DOK5: variants seen among roughly 807,000 people sequenced by gnomAD.
DOK5 encodes the protein downstream of tyrosine kinase 5.
Under a neutral mutation model 43.3 loss-of-function variants are expected in DOK5, and 27 were observed. That is an observed-to-expected ratio of 0.62 (90% confidence interval 0.46 to 0.86). The LOEUF is 0.86. DOK5 is among the 40% of genes least tolerant of loss of function. DOK5 has a pLI of 0.00. For synonymous variants in DOK5, 146 were observed against 140.1 expected, an observed-to-expected ratio of 1.04 and a Z score of -0.30; for missense variants, 373 against 392.9, an observed-to-expected ratio of 0.95 and a Z score of 0.43.
intron 1 of DOK5, among the ~76,000 whole-genome samples, chr20:54,508,768 C>T (rs144587738): frequency 3.6e-4 from 54 of 151,702 alleles, no homozygotes; most frequent in South Asian, 2.1e-4. Flanking sequence ...TTAGTAGAGA[C>T]GGGGTTTCTC....
At chr20:54,584,435 TAC>T (rs1985736426) in intron 2 of DOK5, among the ~76,000 whole-genome samples, 1 of 151,620 alleles carries the variant, frequency 6.6e-6, no homozygotes, top group Non-Finnish European at 1.5e-5. Context: ...TTCAATCACA[TAC>T]AAAAGCTGAA....
chr20:54,619,459 A>G (rs1376524700), intron 6 of DOK5, among the ~76,000 whole-genome samples: 1 of 152,160 alleles, frequency 6.6e-6, no homozygotes, highest in Non-Finnish European at 1.5e-5. Context: ...TCCTCATTCC[A>G]CGACTGGGCT....
Position 54,475,888 on chromosome 20 carries a change from C to A in DOK5, c.-59C>A, listed in dbSNP as rs1981398700. The A allele has an allele frequency of 2.5e-6, 4 of 1,601,484 alleles. No homozygotes were observed. In the African/African-American group the frequency reaches 5.3e-5, roughly 21 times the overall value. On this transcript the variant is annotated 5_prime_UTR_variant, in exon 1 of 8. Coordinates refer to ENST00000262593, the MANE Select transcript of DOK5 (RefSeq NM_018431.5). This position sits in a 1 kb window ranked among gnomAD's most constrained non-coding sequence, Gnocchi z 4.2. ...TTGTCTTGACCCTGCCCTCCACCCT[C>A]CCCAGAGCCACTTCGGGTGCGCGCT...
In DOK5 at chr20:54,650,623, T is replaced by A; in HGVS notation, c.*144T>A. On this transcript the variant is annotated 3_prime_UTR_variant, in exon 8 of 8. Coordinates refer to ENST00000262593, the MANE Select transcript of DOK5 (RefSeq NM_018431.5). ...TAATTGTGTGGTCATTGGAAAACTC[T>A]GCAATACAATAATTTTCTTTATTTT... The A allele has an allele frequency of 1.6e-6, 1 of 629,216 alleles. No individual in the cohort carries two copies. The allele number at this position is 629,216 out of a possible 1,614,324, so 39.0% of individuals were successfully genotyped here.
intron 1 of DOK5, among the ~76,000 whole-genome samples, chr20:54,554,327 C>G (rs1454033842): frequency 6.6e-6 from 1 of 152,224 alleles, no homozygotes; most frequent in East Asian, 1.9e-4. Flanking sequence ...ACATGGCCAA[C>G]AACTTCTGTT....
intron 6 of DOK5, among the ~76,000 whole-genome samples, chr20:54,626,987 T>C (rs1412779630): frequency 1.3e-5 from 2 of 152,244 alleles, no homozygotes; most frequent in Non-Finnish European, 2.9e-5. Context: ...TTGGTGATGG[T>C]GTGGCCTGCA....
chr20:54,630,452 C>T (rs967473213), intron 6 of DOK5, among the ~76,000 whole-genome samples: 4 of 152,054 alleles, frequency 2.6e-5, no homozygotes, highest in Non-Finnish European at 4.4e-5. Flanking sequence ...ACATGTTAAA[C>T]GGGAGATGCC....
chr20:54,499,506 C>T (rs1982514877), intron 1 of DOK5, among the ~76,000 whole-genome samples: 1 of 152,158 alleles, frequency 6.6e-6, no homozygotes, highest in South Asian at 2.1e-4. Flanking sequence ...CAGGCATCAC[C>T]CACAAAGACT....
intron 1 of DOK5, among the ~76,000 whole-genome samples, chr20:54,492,157 A>G (rs1340716118): frequency 2.0e-5 from 3 of 152,078 alleles, no homozygotes; most frequent in Non-Finnish European, 4.4e-5. Flanking sequence ...AATGCAAAAA[A>G]GGATAGAATG....
At chr20:54,628,937 T>C (rs1017567141) in intron 6 of DOK5, among the ~76,000 whole-genome samples, 1 of 152,234 alleles carries the variant, frequency 6.6e-6, no homozygotes, top group Non-Finnish European at 1.5e-5. Context: ...CATTCTTTTT[T>C]AAGGGAGACC....
intron 6 of DOK5, among the ~76,000 whole-genome samples, chr20:54,611,387 C>A (rs762093210): frequency 6.6e-6 from 1 of 151,938 alleles, no homozygotes; most frequent in East Asian, 1.9e-4. Flanking sequence ...CATGGGGAGA[C>A]CCTGTCTCTA....
chr20:54,534,819 G>GTTTCTTTCTTTCTTTC (rs112769125), intron 1 of DOK5, among the ~76,000 whole-genome samples: 74 of 150,556 alleles, frequency 4.9e-4, no homozygotes, highest in African/African-American at 1.8e-3. Context: ...TTGAAAGCAT[G>GTTTCTTTCTTTCTTTC]TTTCTTTCTT....
intron 6 of DOK5, among the ~76,000 whole-genome samples, chr20:54,621,126 G>A (rs180988274): frequency 4.6e-5 from 7 of 152,282 alleles, no homozygotes; most frequent in South Asian, 4.1e-4. Context: ...CTTCACTAAC[G>A]CTATTATAAG....
At chr20:54,528,201 C>A (rs1450770643) in intron 1 of DOK5, among the ~76,000 whole-genome samples, 1 of 152,002 alleles carries the variant, frequency 6.6e-6, no homozygotes, top group Non-Finnish European at 1.5e-5. Flanking sequence ...AATGAAACTC[C>A]GTCTCAAAAC....
At chr20:54,483,471 G>A (rs889286170) in intron 1 of DOK5, among the ~76,000 whole-genome samples, 6 of 152,124 alleles carry the variant, frequency 3.9e-5, no homozygotes, top group Non-Finnish European at 7.4e-5. Context: ...TTTTTGATTT[G>A]TATTATTAAC....
chr20:54,599,147 T>C (rs1400501426), intron 5 of DOK5, among the ~76,000 whole-genome samples: 1 of 152,226 alleles, frequency 6.6e-6, no homozygotes, highest in Non-Finnish European at 1.5e-5. Flanking sequence ...CTTATCCTTA[T>C]TGAAGAATTT....
chr20:54,493,078 A>T (rs796664677), intron 1 of DOK5, among the ~76,000 whole-genome samples: 19 of 150,828 alleles, frequency 1.3e-4, no homozygotes, highest in African/African-American at 4.4e-4. Flanking sequence ...AAAAAAAAAA[A>T]AAAGGGATGT....
chr20:54,629,733 C>T (rs1411246293), intron 6 of DOK5, among the ~76,000 whole-genome samples: 2 of 152,118 alleles, frequency 1.3e-5, no homozygotes, highest in Non-Finnish European at 2.9e-5. Context: ...CTGATAGTTG[C>T]TATGAAGAAG....
chr20:54,609,797 T>C (rs1251263677), intron 5 of DOK5, among the ~76,000 whole-genome samples: 6 of 152,180 alleles, frequency 3.9e-5, no homozygotes, highest in Admixed American at 2.0e-4. Flanking sequence ...ACTTCTCTAA[T>C]GTTCCAAATA....
Sources: gnomAD v4.1 joint callset for allele counts (sites outside exome capture counted in the v4.1 genomes callset) on GRCh38, gnomAD v4.1.1 for gene constraint, Gnocchi (gnomAD v3.1) non-coding constraint, MANE v1.5 for transcripts, NCBI Gene and HGNC (gene_info 2026-07-23, HGNC 2026-07-21) for gene names.